FNBP1: variants seen among roughly 807,000 people sequenced by gnomAD.
FNBP1 encodes the protein formin-binding protein 1.
A neutral mutation model predicts 90.6 loss-of-function variants in FNBP1; 26 were observed. The observed-to-expected ratio is 0.29, with a 90% CI of 0.21 to 0.40. The LOEUF (loss-of-function observed/expected upper bound fraction) is 0.40. FNBP1 is among the 10% of genes least tolerant of loss of function. The pLI is 1.00. For missense variants in FNBP1, 635 were observed against 768.0 expected, an observed-to-expected ratio of 0.83 and a Z score of 2.05; for synonymous variants, 260 against 265.2, an observed-to-expected ratio of 0.98 and a Z score of 0.19.
At chr9:130,004,879 A>G (rs376451263) in intron 1 of FNBP1, among the ~76,000 whole-genome samples, 2 of 152,168 alleles carry the variant, frequency 1.3e-5, no homozygotes, top group East Asian at 1.9e-4. Flanking sequence ...CAGCCTGGCC[A>G]ACATGGTGAA....
chr9:129,999,370 T>C (rs569530248), intron 1 of FNBP1, among the ~76,000 whole-genome samples: 45 of 152,002 alleles, frequency 3.0e-4, no homozygotes, highest in African/African-American at 9.6e-4. Flanking sequence ...CCGAGGTAGG[T>C]GGATCACTTG....
chr9:130,010,550 AC>A (rs1050976941), intron 1 of FNBP1, among the ~76,000 whole-genome samples: 26 of 151,980 alleles, frequency 1.7e-4, no homozygotes, highest in African/African-American at 6.3e-4. Context: ...GAGCCACTGC[AC>A]CCGGCTCCCT....
In FNBP1 at chr9:129,957,354, C is replaced by T; in HGVS notation, c.513+6G>A. 6.2e-7 allele frequency: 1 copy of T among 1,601,320 alleles called. No homozygotes were observed. Among genetic ancestry groups the T allele is most frequent in the Non-Finnish European group, 8.5e-7 (1 of 1,169,816 alleles). The stretch of plus-strand genomic sequence containing the variant: ...TGCCCGGCCCACACTTGAGCTTTCA[C>T]CTCACCTTTTCAACATCCGCTTTTG... On this transcript the variant is annotated splice_donor_region_variant and intron_variant, in intron 6 of 16. Transcript: ENST00000446176. This position sits in a 1 kb window ranked among gnomAD's most constrained non-coding sequence, Gnocchi z 4.3.
Position 129,910,481 on chromosome 9 carries a change from CAAAAAAACAAAA to C in FNBP1, c.1186-1494_1186-1483del, listed in dbSNP as rs752785293. On this transcript the variant is annotated intron_variant, in intron 11 of 16. Coordinates refer to ENST00000446176, the MANE Select transcript of FNBP1 (RefSeq NM_015033.3). The stretch of plus-strand genomic sequence containing the variant: ...TGGGCGACAATGCGAGACTCCATCT[CAAAAAAACAAAA>C]AAAAAAAAAAAAGAGAGAGAGAAAT... Among the ~76,000 whole-genome samples the C allele has an allele frequency of 7.1e-3, 641 of 90,122 alleles. 10 individuals are homozygous for C. Among genetic ancestry groups the C allele is most frequent in the Non-Finnish European group, 8.3e-3 (401 of 48,204 alleles). 59.1% of individuals were successfully genotyped at this position (90,122 alleles called of 152,430 possible).
chr9:130,038,833 ACCAG>A (rs1192170978), intron 1 of FNBP1, among the ~76,000 whole-genome samples: 2 of 152,220 alleles, frequency 1.3e-5, no homozygotes, highest in African/African-American at 4.8e-5. Flanking sequence ...AGGCAGCAAA[ACCAG>A]GTTCTGTCAC....
At chr9:129,893,392 CAA>C (rs2035297134) in intron 16 of FNBP1, among the ~76,000 whole-genome samples, 1 of 147,286 alleles carries the variant, frequency 6.8e-6, no homozygotes, top group Non-Finnish European at 1.5e-5. Context: ...CACTTGAGCC[CAA>C]GAGTTTGAGA....
intron 4 of FNBP1, among the ~76,000 whole-genome samples, chr9:129,963,156 A>C (rs780991345): frequency 6.6e-6 from 1 of 152,190 alleles, no homozygotes; most frequent in East Asian, 1.9e-4. Flanking sequence ...TTGACGATCT[A>C]TCTCTCCAGC....
chr9:129,905,294 G>GTGTGTGTATA (rs374989661), intron 12 of FNBP1, among the ~76,000 whole-genome samples: 1 of 132,336 alleles, frequency 7.6e-6, no homozygotes, highest in Non-Finnish European at 1.6e-5. Context: ...GTGTGTGTGT[G>GTGTGTGTATA]TATATATATA....
chr9:129,914,528 T>C (rs186956648), intron 11 of FNBP1, among the ~76,000 whole-genome samples: 2 of 152,012 alleles, frequency 1.3e-5, no homozygotes, highest in African/African-American at 2.4e-5. Flanking sequence ...TCCTAGTCAA[T>C]AGATCCAGTT....
At chr9:129,892,768 A>T (rs2035246714) in intron 16 of FNBP1, among the ~76,000 whole-genome samples, 1 of 152,150 alleles carries the variant, frequency 6.6e-6, no homozygotes, top group African/African-American at 2.4e-5. Context: ...ATGGACCTGA[A>T]ATTTACAAAA....
intron 1 of FNBP1, among the ~76,000 whole-genome samples, chr9:130,017,959 G>C (rs1489369449): frequency 7.2e-6 from 1 of 138,040 alleles, no homozygotes; most frequent in Non-Finnish European, 1.6e-5. Context: ...TGTCGCCCAG[G>C]CTGGAGTGCA....
intron 4 of FNBP1, among the ~76,000 whole-genome samples, chr9:129,961,866 G>A (rs187619749): frequency 3.3e-5 from 5 of 152,250 alleles, no homozygotes; most frequent in Non-Finnish European, 5.9e-5. Flanking sequence ...GATTACAGGC[G>A]TGAGCCACCG....
chr9:129,919,402 T>A (rs1236945150), intron 10 of FNBP1, among the ~76,000 whole-genome samples: 1 of 152,244 alleles, frequency 6.6e-6, no homozygotes, highest in African/African-American at 2.4e-5. Context: ...CGTACATCCA[T>A]ATTTTAGATA....
chr9:130,005,341 ATTTTTT>A (rs35530412), intron 1 of FNBP1, among the ~76,000 whole-genome samples: 1 of 108,536 alleles, frequency 9.2e-6, no homozygotes. Context: ...ACAAATTGAG[ATTTTTT>A]TTTTTTTTTT....
intron 4 of FNBP1, among the ~76,000 whole-genome samples, chr9:129,974,573 A>C (rs2050013809): frequency 6.6e-6 from 1 of 152,210 alleles, no homozygotes; most frequent in African/African-American, 2.4e-5. Flanking sequence ...AGAAAAGAAA[A>C]AACAGGCCAG....
rs573883292 is a variant in FNBP1, at chr9:129,965,160, G to T, written c.346-6607C>A. ...TGGATATTTCTATGGACCATGTGGC[G>T]TAATGGCAAAACGCCTTAGTCCTGT... On this transcript the variant is annotated intron_variant, in intron 4 of 16. Coordinates refer to ENST00000446176, the MANE Select transcript of FNBP1 (RefSeq NM_015033.3). Among the ~76,000 whole-genome samples the T allele has an allele frequency of 4.6e-5, 7 of 152,124 alleles. No individual in the cohort carries two copies. In the East Asian group the frequency reaches 1.3e-3, roughly 29 times the overall value.
chr9:129,994,797 A>G (rs747231072), intron 2 of FNBP1, 46 bp downstream of exon 2: 1 of 841,242 alleles, frequency 1.2e-6, no homozygotes. Flanking sequence ...CGTTATCCTT[A>G]CATCATTTTG....
chr9:129,943,265 T>A (rs770247189), intron 6 of FNBP1, among the ~76,000 whole-genome samples: 2 of 152,144 alleles, frequency 1.3e-5, no homozygotes, highest in African/African-American at 2.4e-5. Context: ...ACTGCTGAGC[T>A]CCTAGTGTTT....
At chr9:129,951,440 A>ATTTATTTG (rs1554810011) in intron 6 of FNBP1, among the ~76,000 whole-genome samples, 1,849 of 148,884 alleles carry the variant, frequency 0.012, 20 homozygotes, top group Middle Eastern at 0.021. Flanking sequence ...TTATTTATTT[A>ATTTATTTG]TTTGTTTGTT....
Sources: allele counts gnomAD v4.1 joint callset (sites outside exome capture counted in the v4.1 genomes callset), GRCh38; gene constraint gnomAD v4.1.1; non-coding constraint Gnocchi (gnomAD v3.1); transcripts MANE v1.5; gene names NCBI Gene and HGNC (gene_info 2026-07-23, HGNC 2026-07-21).